NEO1: variants seen among roughly 807,000 people sequenced by gnomAD.
NEO1 encodes the protein neogenin.
NEO1 carries 63 observed loss-of-function variants against 159.7 expected under a neutral mutation model. The observed-to-expected ratio is 0.39, with a 90% confidence interval of 0.32 to 0.49. The LOEUF is 0.49. Among genes scored for constraint, NEO1 ranks in the 20% least tolerant of loss-of-function variants. NEO1 has a pLI of 0.85. For missense variants in NEO1, 1,615 were observed against 1,831.0 expected (o/e 0.88, Z 2.15); for synonymous variants, 633 against 662.0 (o/e 0.96, Z 0.67).
chr15:73,175,285 C>G (rs1456372908), intron 5 of NEO1, among the ~76,000 whole-genome samples: 1 of 152,086 alleles, frequency 6.6e-6, no homozygotes, highest in Non-Finnish European at 1.5e-5. Context: ...TTCCTACATA[C>G]TAGCAGAGAA....
chr15:73,161,824 C>G (rs1363037395), intron 5 of NEO1: 1 of 277,448 alleles, frequency 3.6e-6, no homozygotes, highest in Non-Finnish European at 7.0e-6. Flanking sequence ...CCTGGTCAGT[C>G]TTCCAGAAGC....
chr15:73,216,200 G>A (rs1406360676), intron 7 of NEO1, among the ~76,000 whole-genome samples: 1 of 151,226 alleles, frequency 6.6e-6, no homozygotes, highest in Non-Finnish European at 1.5e-5. Flanking sequence ...TTTTGTTCTT[G>A]TGATAGTTTA....
chr15:73,224,631 C>G (rs989057743), intron 7 of NEO1, among the ~76,000 whole-genome samples: 3 of 152,170 alleles, frequency 2.0e-5, no homozygotes, highest in Non-Finnish European at 2.9e-5. Context: ...TTTTGCATTT[C>G]TATAAGTGTG....
chr15:73,160,228 A>G (rs142871195), intron 5 of NEO1, among the ~76,000 whole-genome samples: 2 of 152,156 alleles, frequency 1.3e-5, no homozygotes, highest in African/African-American at 4.8e-5. Context: ...CCTATTCTCT[A>G]CTTTCTGCTC....
chr15:73,195,704 A>G (rs919904181), intron 7 of NEO1, among the ~76,000 whole-genome samples: 1 of 152,100 alleles, frequency 6.6e-6, no homozygotes, highest in African/African-American at 2.4e-5. Flanking sequence ...GTAGACCCCA[A>G]ATGATAAAAT....
intron 1 of NEO1, among the ~76,000 whole-genome samples, chr15:73,055,236 C>T (rs1308032926): frequency 6.6e-6 from 1 of 152,172 alleles, no homozygotes; most frequent in African/African-American, 2.4e-5. Flanking sequence ...CATGTCTTCT[C>T]TATTTAGAGT....
chr15:73,187,380 C>G (rs757777266), intron 7 of NEO1, among the ~76,000 whole-genome samples: 1 of 152,042 alleles, frequency 6.6e-6, no homozygotes, highest in Non-Finnish European at 1.5e-5. Flanking sequence ...TTCTCCTGCT[C>G]CCTGTTTGCC....
At chr15:73,151,633 A>T (rs180920549) in intron 5 of NEO1, among the ~76,000 whole-genome samples, 78 of 152,316 alleles carry the variant, frequency 5.1e-4, no homozygotes, top group Non-Finnish European at 8.4e-4. Context: ...AGAAGTGCCA[A>T]GCAAACCCTT....
At chr15:73,244,230 T>A in intron 8 of NEO1, 114 bp from the exon 9 acceptor site, 6 of 1,208,840 alleles carry the variant, frequency 5.0e-6, no homozygotes, top group Non-Finnish European at 4.5e-6. Context: ...CTTCATTGTT[T>A]GAGAGCTAAT....
rs575380402 is a variant in NEO1 at position 73,280,667 on chromosome 15, A to G, written c.3263-2297A>G. Among the ~76,000 whole-genome samples, 97 of 152,276 alleles carry G rather than the reference A, an allele frequency of 6.4e-4. 1 individual carries two copies. The highest frequency in any genetic ancestry group is 2.3e-3 in the African/African-American group (95 of 41,548). The stretch of plus-strand genomic sequence containing the variant: ...GTACCATGGTCTTTCCCAAATATAA[A>G]AACATTATTTTATTGAAGGTCAGTA... On this transcript the variant is annotated intron_variant, in intron 22 of 28. Coordinates refer to ENST00000261908, the MANE Select transcript of NEO1 (RefSeq NM_002499.4).
rs2042687540 is a variant in NEO1 at position 73,303,284 on chromosome 15, C to A, written c.*588C>A. 1 of 152,586 alleles carries A rather than the reference C, an allele frequency of 6.6e-6. No homozygotes were observed. The highest frequency in any genetic ancestry group is 2.1e-4 in the South Asian group (1 of 4,818). 9.5% of individuals were successfully genotyped at this position (152,586 alleles called of 1,614,324 possible). A position where few individuals can be genotyped will look rare whatever the true frequency, so the allele number is the denominator to read the frequency against. On this transcript the variant is annotated 3_prime_UTR_variant, in exon 29 of 29. Transcript: ENST00000261908. ...TAATTCTGAGTCATTGCATCCTCTA[C>A]CAGCTGTTAATCCATCACTCTGAGG...
In NEO1 at chr15:73,260,253, TC is replaced by T; in HGVS notation, c.2204-16del. ...AGGACAGTATATCTCATCTTGCTTT[TC>T]CACTTTTCCTTCCCAGAAACTCGTG... On this transcript the variant is annotated splice_polypyrimidine_tract_variant and intron_variant, in intron 14 of 28. Transcript: ENST00000261908. 6.2e-7 allele frequency: 1 copy of T among 1,608,732 alleles called. No homozygotes were observed. The highest frequency in any genetic ancestry group is 1.1e-5 in the South Asian group (1 of 90,810).
chr15:73,120,409 AAG>A (rs1230928465), intron 2 of NEO1, among the ~76,000 whole-genome samples: 5 of 150,896 alleles, frequency 3.3e-5, no homozygotes, highest in Non-Finnish European at 7.4e-5. Flanking sequence ...AAATAAGAAA[AAG>A]AAAAAGTTTA....
At chr15:73,087,052 G>C (rs2069406616) in intron 1 of NEO1, among the ~76,000 whole-genome samples, 1 of 152,188 alleles carries the variant, frequency 6.6e-6, no homozygotes, top group African/African-American at 2.4e-5. Flanking sequence ...GCAAAAAATG[G>C]TGAATGTGGA....
chr15:73,108,866 T>C (rs191071069), intron 1 of NEO1, among the ~76,000 whole-genome samples: 1 of 152,118 alleles, frequency 6.6e-6, no homozygotes, highest in Admixed American at 6.5e-5. Flanking sequence ...GGCCCCAGCG[T>C]GAGAAAGGAC....
chr15:73,227,269 G>A (rs543354685), intron 7 of NEO1, among the ~76,000 whole-genome samples: 6 of 152,278 alleles, frequency 3.9e-5, no homozygotes, highest in Admixed American at 2.6e-4. Flanking sequence ...GCCAAGACAG[G>A]CACATCACTT....
chr15:73,247,699 A>G (rs954883950), intron 9 of NEO1, among the ~76,000 whole-genome samples: 1 of 152,228 alleles, frequency 6.6e-6, no homozygotes, highest in African/African-American at 2.4e-5. Flanking sequence ...TTTAAATCTA[A>G]TGAATGTCTA....
intron 1 of NEO1, among the ~76,000 whole-genome samples, chr15:73,101,846 A>G (rs1482689301): frequency 6.6e-6 from 1 of 152,128 alleles, no homozygotes; most frequent in Non-Finnish European, 1.5e-5. Context: ...CAGCTTTTCA[A>G]CATGCTCAAG....
chr15:73,057,427 A>T (rs900947597), intron 1 of NEO1, among the ~76,000 whole-genome samples: 2 of 152,154 alleles, frequency 1.3e-5, no homozygotes, highest in African/African-American at 2.4e-5. Context: ...GCTATTTACC[A>T]TATCATTGGT....
Sources: allele counts gnomAD v4.1 joint callset (sites outside exome capture counted in the v4.1 genomes callset), GRCh38; gene constraint gnomAD v4.1.1; transcripts MANE v1.5; gene names NCBI Gene and HGNC (gene_info 2026-07-23, HGNC 2026-07-21).